TENM2: variants seen among roughly 807,000 people sequenced by gnomAD.
TENM2 encodes teneurin-2.
TENM2 carries 52 observed loss-of-function variants against 245.2 expected under a neutral mutation model. The ratio of observed to expected loss-of-function variants is 0.21; its 90% CI spans 0.17 to 0.27. The LOEUF (loss-of-function observed/expected upper bound fraction) is 0.27, where lower values mean the gene tolerates loss of function less well. Among genes scored for constraint, TENM2 ranks in the 10% least tolerant of loss-of-function variants. The pLI is 1.00. For missense variants in TENM2, 3,046 were observed against 3,666.8 expected (o/e 0.83, Z 4.37); for synonymous variants, 1,363 against 1,438.9 (o/e 0.95, Z 1.19).
chr5:167,237,509 A>T, the TENM2 span, among the ~76,000 whole-genome samples: 1 of 148,276 alleles, frequency 6.7e-6, no homozygotes, highest in Non-Finnish European at 1.5e-5. Flanking sequence ...GTTGAACTTA[A>T]ATATCATTTG....
chr5:167,405,568 A>G (rs2127393701), intron 2 of TENM2, among the ~76,000 whole-genome samples: 1 of 152,036 alleles, frequency 6.6e-6, no homozygotes, highest in East Asian at 1.9e-4. Flanking sequence ...CCGGGCTCTT[A>G]CACTCTATTT....
At chr5:167,741,851 G>A (rs189687964) in intron 2 of TENM2, among the ~76,000 whole-genome samples, 112 of 152,040 alleles carry the variant, frequency 7.4e-4, no homozygotes, top group African/African-American at 2.4e-3. Flanking sequence ...TCATGCATTC[G>A]GCACCTGTTA....
chr5:167,340,924 C>T lies in TENM2; in HGVS notation c.227-34274C>T, dbSNP rs377181982. On this transcript the variant is annotated intron_variant, in intron 1 of 28. Coordinates refer to ENST00000518659, the Ensembl canonical transcript of TENM2. ...ACTTATTTCACCAGGATTCTAAAAA[C>T]GACAAGTCAGAATGGAGAAGAAGTG... Among the ~76,000 whole-genome samples the T allele has an allele frequency of 5.3e-5, 8 of 152,008 alleles. No homozygotes were observed. In the South Asian group the frequency reaches 1.7e-3, roughly 31 times the overall value.
At chr5:167,885,573 A>G (rs1774214021) in intron 3 of TENM2, among the ~76,000 whole-genome samples, 1 of 152,250 alleles carries the variant, frequency 6.6e-6, no homozygotes, top group African/African-American at 2.4e-5. Context: ...AAATAAGATG[A>G]CAAGAAGACC....
rs759090886 is a variant in TENM2, at chr5:168,244,727, A to ATGC, written c.5817+15_5817+17dup. The ATGC allele has an allele frequency of 9.9e-6, 14 of 1,414,414 alleles. No homozygotes were observed. The highest frequency in any genetic ancestry group is 1.2e-5 in the Non-Finnish European group (13 of 1,074,080). 87.6% of individuals were successfully genotyped at this position (1,414,414 alleles called of 1,614,324 possible). On this transcript the variant is annotated intron_variant, in intron 26 of 28. Coordinates refer to ENST00000518659, the Ensembl canonical transcript of TENM2. This position sits in a 1 kb window ranked among gnomAD's most constrained non-coding sequence, Gnocchi z 4.9. ...TCCTACCTTGACAAGGTAGGTGAAC[A>ATGC]TGCTGCCCTGACAGCAAGGGCTTTC...
intron 2 of TENM2, among the ~76,000 whole-genome samples, chr5:167,663,222 A>G (rs1029051990): frequency 6.6e-6 from 1 of 151,136 alleles, no homozygotes; most frequent in Admixed American, 6.6e-5. Flanking sequence ...TCCTCCTCAG[A>G]CCATCTAAAT....
chr5:167,661,793 T>C (rs1755224716), intron 2 of TENM2, among the ~76,000 whole-genome samples: 1 of 151,568 alleles, frequency 6.6e-6, no homozygotes, highest in African/African-American at 2.4e-5. Flanking sequence ...TTAGGCATGT[T>C]TGTCTGTCTC....
At chr5:167,933,460 T>C (rs1420350508) in intron 3 of TENM2, among the ~76,000 whole-genome samples, 2 of 152,142 alleles carry the variant, frequency 1.3e-5, no homozygotes. Context: ...CAATATGTTT[T>C]CTCTTAATAG....
chr5:167,132,179 T>G, the TENM2 span, among the ~76,000 whole-genome samples: 2 of 152,126 alleles, frequency 1.3e-5, no homozygotes, highest in African/African-American at 4.8e-5. Flanking sequence ...GCTTTTTTAG[T>G]GATATATAAC....
chr5:167,631,630 A>G (rs973802982), intron 2 of TENM2, among the ~76,000 whole-genome samples: 1 of 152,104 alleles, frequency 6.6e-6, no homozygotes, highest in Non-Finnish European at 1.5e-5. Context: ...CTGAGCATGT[A>G]CCATATTCCT....
the TENM2 span, among the ~76,000 whole-genome samples, chr5:167,166,973 C>T: frequency 6.6e-6 from 1 of 152,162 alleles, no homozygotes; most frequent in Non-Finnish European, 1.5e-5. Flanking sequence ...GCTTTGGAAC[C>T]TGGTGCCAAA....
At chr5:167,286,541 C>T (rs1771363510) in intron 1 of TENM2, among the ~76,000 whole-genome samples, 1 of 152,200 alleles carries the variant, frequency 6.6e-6, no homozygotes, top group African/African-American at 2.4e-5. Flanking sequence ...TGGGACACCT[C>T]TCTGTTGTTT....
chr5:168,205,758 A>G (rs948870241), intron 19 of TENM2, among the ~76,000 whole-genome samples: 1 of 152,204 alleles, frequency 6.6e-6, no homozygotes, highest in East Asian at 1.9e-4. Context: ...CCACTTAGAC[A>G]AGAGTACATT....
chr5:168,089,901 A>G (rs1792776667), intron 7 of TENM2, among the ~76,000 whole-genome samples: 1 of 152,138 alleles, frequency 6.6e-6, no homozygotes, highest in East Asian at 1.9e-4. Context: ...CCCATAACAT[A>G]GATACTCTTA....
At chr5:167,750,405 G>A (rs150201605) in intron 2 of TENM2, among the ~76,000 whole-genome samples, 1 of 152,046 alleles carries the variant, frequency 6.6e-6, no homozygotes, top group Non-Finnish European at 1.5e-5. Context: ...CTTGACAAAG[G>A]CATTGTCCTC....
At chr5:168,217,639 G>C (rs1763315895) in intron 22 of TENM2, among the ~76,000 whole-genome samples, 1 of 152,238 alleles carries the variant, frequency 6.6e-6, no homozygotes, top group South Asian at 2.1e-4. Context: ...GTTTGCTGGA[G>C]AGCCTGCACT....
chr5:167,449,183 C>T (rs193235319), intron 2 of TENM2, among the ~76,000 whole-genome samples: 15 of 152,226 alleles, frequency 9.9e-5, no homozygotes, highest in African/African-American at 3.1e-4. Context: ...GCTTTTCCTG[C>T]GGTACTTAGC....
chr5:167,413,820 T>C (rs988296690), intron 2 of TENM2, among the ~76,000 whole-genome samples: 1 of 152,154 alleles, frequency 6.6e-6, no homozygotes, highest in African/African-American at 2.4e-5. Context: ...ATCACATTGA[T>C]CTCTGTAGCG....
intron 3 of TENM2, among the ~76,000 whole-genome samples, chr5:167,884,446 T>C (rs1583278087): frequency 6.6e-6 from 1 of 152,216 alleles, no homozygotes; most frequent in Non-Finnish European, 1.5e-5. Flanking sequence ...ATTTTATTTC[T>C]GTCTCTATGA....
Sources: allele counts gnomAD v4.1 joint callset (sites outside exome capture counted in the v4.1 genomes callset), GRCh38; gene constraint gnomAD v4.1.1; non-coding constraint Gnocchi (gnomAD v3.1); transcripts MANE v1.5; gene names NCBI Gene and HGNC (gene_info 2026-07-23, HGNC 2026-07-21).